The following SRGAP3 variants were observed in gnomAD, a reference collection of about 807,000 sequenced individuals.
The protein encoded by SRGAP3 is SLIT-ROBO Rho GTPase-activating protein 3.
Under a neutral mutation model 121.1 loss-of-function variants are expected in SRGAP3, and 39 were observed. The observed-to-expected ratio is 0.32, with a 90% CI of 0.25 to 0.42. The LOEUF is 0.42. Among genes scored for constraint, SRGAP3 ranks in the 10% least tolerant of loss-of-function variants. The pLI, the probability that SRGAP3 is intolerant of heterozygous loss-of-function variation, is 1.00. For missense variants in SRGAP3, 1,213 were observed against 1,470.6 expected, an observed-to-expected ratio of 0.82 and a Z score of 2.86; for synonymous variants, 601 against 570.0, an observed-to-expected ratio of 1.05 and a Z score of -0.77.
chr3:9,122,413 G>T (rs2664121), intron 2 of SRGAP3, among the ~76,000 whole-genome samples: 115,881 of 152,062 alleles, frequency 0.76, 44,705 homozygotes, highest in African/African-American at 0.89. Context: ...GAAGTTTGAA[G>T]AGAAGAGACT....
intron 1 of SRGAP3, among the ~76,000 whole-genome samples, chr3:9,169,513 G>T (rs1338826733): frequency 1.3e-5 from 2 of 152,168 alleles, no homozygotes; most frequent in Non-Finnish European, 2.9e-5. Context: ...ACATGTCATT[G>T]CATGTTCCAG....
intron 2 of SRGAP3, among the ~76,000 whole-genome samples, chr3:9,108,046 T>C (rs1172901084): frequency 6.6e-6 from 1 of 152,088 alleles, no homozygotes; most frequent in Non-Finnish European, 1.5e-5. Flanking sequence ...GAGCTGGAAT[T>C]CTGAGTGTGT....
At chr3:9,291,351 T>A (rs1047429807) in intron 3 of SRGAP3, among the ~76,000 whole-genome samples, 1 of 152,148 alleles carries the variant, frequency 6.6e-6, no homozygotes, top group Non-Finnish European at 1.5e-5. Flanking sequence ...TTTAAGGAGA[T>A]AAGGTATCAC....
At chr3:9,228,921 G>A (rs559782268) in intron 1 of SRGAP3, among the ~76,000 whole-genome samples, 4 of 151,766 alleles carry the variant, frequency 2.6e-5, no homozygotes, top group African/African-American at 4.8e-5. Flanking sequence ...AATTAGCCGG[G>A]CGCGGTGGCG....
intron 3 of SRGAP3, chr3:9,292,679 C>T (rs530412886): frequency 2.0e-5 from 3 of 152,240 alleles, no homozygotes; most frequent in East Asian, 3.9e-4. Context: ...GTGTTTCTAG[C>T]CCCGAGCAAA....
At chr3:9,136,208 C>G (rs1246877431) in intron 1 of SRGAP3, among the ~76,000 whole-genome samples, 1 of 152,204 alleles carries the variant, frequency 6.6e-6, no homozygotes, top group Non-Finnish European at 1.5e-5. Context: ...ACAAAAGACT[C>G]GTGCGCTGCC....
chr3:9,211,852 T>G (rs1952457833), intron 1 of SRGAP3, among the ~76,000 whole-genome samples: 1 of 151,836 alleles, frequency 6.6e-6, no homozygotes, highest in Non-Finnish European at 1.5e-5. Flanking sequence ...ATTTTTTTAT[T>G]CTTTGTAGAG....
rs552849460 is a variant in SRGAP3 at position 9,010,241 on chromosome 3, G to A, written c.2227+67C>T. On this transcript the variant is annotated intron_variant, in intron 18 of 21. Coordinates refer to ENST00000383836, the MANE Select transcript of SRGAP3 (RefSeq NM_014850.4). ...TCTATGTGGGCCAGCCCTGTGGTTG[G>A]GCTGACAAAAGTCAGTGTGAGAGGC... 8.8e-5 allele frequency: 139 copies of A among 1,578,210 alleles called. 1 individual carries two copies. The African/African-American group carries it at 1.7e-3, about 20-fold the overall frequency.
intron 3 of SRGAP3, among the ~76,000 whole-genome samples, chr3:9,099,379 G>T (rs1201028858): frequency 4.6e-5 from 7 of 152,210 alleles, no homozygotes; most frequent in African/African-American, 1.7e-4. Flanking sequence ...ACAGGCATCA[G>T]AGCATAGAAT....
intron 3 of SRGAP3, among the ~76,000 whole-genome samples, chr3:9,296,573 A>G (rs138393844): frequency 6.6e-6 from 1 of 152,352 alleles, no homozygotes; most frequent in African/African-American, 2.4e-5. Context: ...CCCCAGAGGC[A>G]GTGTGGAAGC....
Position 9,050,438 on chromosome 3 carries a change from T to G in SRGAP3, c.1323+2589A>C, listed in dbSNP as rs149842180. Among the ~76,000 whole-genome samples, 4 of 152,330 alleles carry G rather than the reference T, an allele frequency of 2.6e-5. No individual in the cohort carries two copies. In the East Asian group the frequency reaches 7.7e-4, roughly 29 times the overall value. ...GCTCTGTAGCTCATCTCTGTCCGCC[T>G]CATTTAAGCTTCAACCACCTGAAGA... On this transcript the variant is annotated intron_variant, in intron 9 of 21. Transcript: ENST00000383836.
In SRGAP3 at chr3:9,333,505, C is replaced by T. The variant is rs1280321547; in HGVS notation, n.215-2909G>A. On this transcript the variant is annotated intron_variant and non_coding_transcript_variant, in intron 1 of 3. Coordinates refer to the SRGAP3 transcript ENST00000490889. ...TTCCTCCTTGTCTTGAACCTTACTCCGCTCCTTTCTGCCTTACCTGATACA... is the reference window on the plus strand; with the variant it reads ...TTCCTCCTTGTCTTGAACCTTACTCTGCTCCTTTCTGCCTTACCTGATACA... 2.6e-5 allele frequency among the ~76,000 whole-genome samples: 4 copies of T among 152,084 alleles called. No individual in the cohort carries two copies. The East Asian group carries it at 5.8e-4, about 22-fold the overall frequency.
At chr3:9,121,340 A>G (rs1184412541) in intron 2 of SRGAP3, among the ~76,000 whole-genome samples, 1 of 152,206 alleles carries the variant, frequency 6.6e-6, no homozygotes, top group South Asian at 2.1e-4. Context: ...ACGGTGAGAC[A>G]AGGCTTCTCG....
intron 6 of SRGAP3, 75 bp downstream of exon 6, chr3:9,060,156 C>A: frequency 6.2e-7 from 1 of 1,608,226 alleles, no homozygotes. Context: ...CAAAGACCAG[C>A]CCCTCCTTCA....
intron 3 of SRGAP3, among the ~76,000 whole-genome samples, chr3:9,102,304 T>C (rs1014337753): frequency 6.6e-6 from 1 of 152,158 alleles, no homozygotes; most frequent in African/African-American, 2.4e-5. Flanking sequence ...ATGACAAAAC[T>C]GAGACTCAGA....
intron 1 of SRGAP3, among the ~76,000 whole-genome samples, chr3:9,242,845 T>C (rs1953694049): frequency 6.6e-6 from 1 of 152,050 alleles, no homozygotes; most frequent in African/African-American, 2.4e-5. Context: ...TCACCACACC[T>C]GGCTAATTTT....
chr3:9,342,038 AT>A (rs1692829010), intron 1 of SRGAP3, among the ~76,000 whole-genome samples: 1 of 152,166 alleles, frequency 6.6e-6, no homozygotes, highest in Admixed American at 6.5e-5. Context: ...CGAAGTTTCA[AT>A]TAAAAGTCAA....
intron 1 of SRGAP3, among the ~76,000 whole-genome samples, chr3:9,161,787 T>C (rs1204323304): frequency 6.6e-6 from 1 of 152,208 alleles, no homozygotes; most frequent in Non-Finnish European, 1.5e-5. Flanking sequence ...TGGGTCTCCA[T>C]CTGCCCCAAC....
chr3:9,058,657 T>C (rs1348153042), intron 6 of SRGAP3, 185 bp from the exon 7 acceptor site: 2 of 615,696 alleles, frequency 3.2e-6, no homozygotes, highest in Non-Finnish European at 5.8e-6. Flanking sequence ...GGAGTTGCGG[T>C]TGAGATTTGG....
Sources: allele counts gnomAD v4.1 joint callset (sites outside exome capture counted in the v4.1 genomes callset), GRCh38; gene constraint gnomAD v4.1.1; transcripts MANE v1.5; gene names NCBI Gene and HGNC (gene_info 2026-07-23, HGNC 2026-07-21).